The following SLC16A9 variants were observed in gnomAD, a reference collection of about 807,000 sequenced individuals.
The protein encoded by SLC16A9 is solute carrier family 16 member 9.
A neutral mutation model predicts 44.3 loss-of-function variants in SLC16A9; 26 were observed. The ratio of observed to expected loss-of-function variants is 0.59; its 90% CI spans 0.43 to 0.81. The LOEUF (loss-of-function observed/expected upper bound fraction) is 0.81, where lower values mean the gene tolerates loss of function less well. SLC16A9 is among the 40% of genes least tolerant of loss of function. The pLI is 0.00. For missense variants in SLC16A9, 559 were observed against 595.8 expected, an observed-to-expected ratio of 0.94 and a Z score of 0.64; for synonymous variants, 230 against 225.1, an observed-to-expected ratio of 1.02 and a Z score of -0.19.
At position 59,653,908 on chromosome 10, in the gene SLC16A9, T is replaced by TA; in HGVS notation, c.1117dup (p.Tyr373LeufsTer39). 1.2e-6 allele frequency: 2 copies of TA among 1,614,138 alleles called. No homozygotes were observed. The highest frequency in any genetic ancestry group is 1.7e-6 in the Non-Finnish European group (2 of 1,180,030). ...GATGATTAAGGTAGCAACATAAAGA[T>TA]ACAAGGTATTAATCCACTTGAAGTC... On this transcript the variant is annotated frameshift_variant, in exon 5 of 6. Transcript: ENST00000395348. LOFTEE classifies it high-confidence loss of function.
chr10:59,690,951 G>T (rs906833956), intron 1 of SLC16A9, among the ~76,000 whole-genome samples: 2 of 152,148 alleles, frequency 1.3e-5, no homozygotes, highest in Non-Finnish European at 2.9e-5. Flanking sequence ...TGGGCATGGT[G>T]GCACGCGCCT....
Position 59,650,953 on chromosome 10 carries a change from G to A in SLC16A9, c.*1819C>T, listed in dbSNP as rs1202832002. 6.6e-6 allele frequency: 1 copy of A among 150,530 alleles called. No homozygotes were observed. The highest frequency in any genetic ancestry group is 6.6e-5 in the Admixed American group (1 of 15,146). The allele number at this position is 150,530 out of a possible 1,614,324, so 9.3% of individuals were successfully genotyped here. A position where few individuals can be genotyped will look rare whatever the true frequency, so the allele number is the denominator to read the frequency against. On this transcript the variant is annotated 3_prime_UTR_variant, in exon 6 of 6. Transcript: ENST00000395348. ...TTATTGGGTTTCCTGAACATAACTG[G>A]CAAAAAGGAACTTTCAACACAACAA...
chr10:59,699,149 A>G (rs1840466147), intron 1 of SLC16A9, among the ~76,000 whole-genome samples: 1 of 152,226 alleles, frequency 6.6e-6, no homozygotes, highest in African/African-American at 2.4e-5. Flanking sequence ...CTGGCAGGAA[A>G]ACCCCTGAGA....
intron 1 of SLC16A9, among the ~76,000 whole-genome samples, chr10:59,698,730 CTCTTTTTTTTTTTT>C (rs956851868): frequency 6.6e-5 from 10 of 151,672 alleles, no homozygotes; most frequent in Non-Finnish European, 4.4e-5. Flanking sequence ...CACTTTGTCT[CTCTTTTTTTTTTTT>C]TCTTTTTTTT....
chr10:59,668,579 G>A lies in SLC16A9; in HGVS notation c.340+4191C>T, dbSNP rs138030473. Among the ~76,000 whole-genome samples, 541 of 152,190 alleles carry A rather than the reference G, an allele frequency of 3.6e-3. 2 individuals carry two copies. Among genetic ancestry groups the A allele is most frequent in the African/African-American group, 0.012 (516 of 41,522 alleles). On this transcript the variant is annotated intron_variant, in intron 3 of 5. Coordinates refer to ENST00000395348, the MANE Select transcript of SLC16A9 (RefSeq NM_194298.3). ...CCTCCAACTAGACAATTGGTTGTGC[G>A]ACTTTGGCAAAGTCATTTAAACTCT...
upstream of SLC16A9, chr10:59,710,054 C>G (rs1840731989): frequency 6.6e-6 from 1 of 152,248 alleles, no homozygotes; most frequent in Non-Finnish European, 1.5e-5. Flanking sequence ...TGGGCGCCGT[C>G]GGCCAGGCGC....
At chr10:59,660,656 G>T (rs1018111976) in intron 4 of SLC16A9, among the ~76,000 whole-genome samples, 2 of 152,140 alleles carry the variant, frequency 1.3e-5, no homozygotes, top group Non-Finnish European at 2.9e-5. Context: ...CATTGTATGA[G>T]GCCAGCATCA....
At chr10:59,687,026 G>A (rs1218645505) in intron 1 of SLC16A9, among the ~76,000 whole-genome samples, 2 of 152,178 alleles carry the variant, frequency 1.3e-5, no homozygotes, top group East Asian at 3.9e-4. Flanking sequence ...TCCTGCCTCA[G>A]CCTCCTGAAT....
intron 1 of SLC16A9, among the ~76,000 whole-genome samples, chr10:59,703,969 G>A (rs1452398994): frequency 2.6e-5 from 4 of 152,046 alleles, no homozygotes; most frequent in South Asian, 2.1e-4. Flanking sequence ...TGATCCGCCC[G>A]CCTCTGCCTC....
chr10:59,670,889 A>T (rs761865311), intron 3 of SLC16A9, among the ~76,000 whole-genome samples: 5 of 152,222 alleles, frequency 3.3e-5, no homozygotes, highest in Admixed American at 6.5e-5. Flanking sequence ...GAAGAAATCA[A>T]CCATGGTGGT....
chr10:59,676,356 G>C (rs1055206928), intron 2 of SLC16A9, among the ~76,000 whole-genome samples: 1 of 152,170 alleles, frequency 6.6e-6, no homozygotes, highest in African/African-American at 2.4e-5. Flanking sequence ...GCTCTTTGTA[G>C]TAACTGTGCA....
Position 59,664,483 on chromosome 10 carries a change from A to G in SLC16A9, c.341-161T>C, listed in dbSNP as rs571993732. Among the ~76,000 whole-genome samples the G allele has an allele frequency of 4.6e-5, 7 of 152,328 alleles. No homozygotes were observed. The East Asian group carries it at 1.4e-3, about 29-fold the overall frequency. Reference sequence around the variant, plus strand: ...TTCCTTCCATGTGTGTAGCCCCAATAGACACCATTGGGCAGCCTCATTTTT... The same window carrying G: ...TTCCTTCCATGTGTGTAGCCCCAATGGACACCATTGGGCAGCCTCATTTTT... On this transcript the variant is annotated intron_variant, in intron 3 of 5. Coordinates refer to ENST00000395348, the MANE Select transcript of SLC16A9 (RefSeq NM_194298.3).
At chr10:59,693,214 T>A (rs912770629) in intron 1 of SLC16A9, among the ~76,000 whole-genome samples, 3 of 152,216 alleles carry the variant, frequency 2.0e-5, no homozygotes, top group Admixed American at 6.5e-5. Context: ...TTAAAGTAAG[T>A]CTCCTCTGGG....
intron 2 of SLC16A9, among the ~76,000 whole-genome samples, chr10:59,683,424 C>CA (rs1168990258): frequency 6.6e-6 from 1 of 152,208 alleles, no homozygotes; most frequent in African/African-American, 2.4e-5. Context: ...AACTGTTCAT[C>CA]AAGAATATCA....
intron 1 of SLC16A9, among the ~76,000 whole-genome samples, chr10:59,704,017 G>C (rs79847757): frequency 2.0e-5 from 3 of 152,090 alleles, no homozygotes; most frequent in Admixed American, 6.5e-5. Context: ...CACTGCGCCC[G>C]GCCAAATTGC....
At chr10:59,690,526 G>C (rs1840230259) in intron 1 of SLC16A9, among the ~76,000 whole-genome samples, 1 of 152,126 alleles carries the variant, frequency 6.6e-6, no homozygotes, top group Non-Finnish European at 1.5e-5. Flanking sequence ...AACAATGAAG[G>C]GATTCATAGA....
chr10:59,707,326 A>G (rs865784513), intron 1 of SLC16A9, among the ~76,000 whole-genome samples: 70 of 85,132 alleles, frequency 8.2e-4, no homozygotes, highest in African/African-American at 2.7e-3. Context: ...AGGGAAGGGA[A>G]GGGAAGGGAG....
chr10:59,705,903 G>A (rs1840626769), intron 1 of SLC16A9, among the ~76,000 whole-genome samples: 1 of 152,142 alleles, frequency 6.6e-6, no homozygotes, highest in African/African-American at 2.4e-5. Flanking sequence ...ACATGTCATA[G>A]TCTCTATAAT....
intron 1 of SLC16A9, among the ~76,000 whole-genome samples, chr10:59,706,727 C>T (rs145702732): frequency 1.8e-4 from 28 of 151,910 alleles, no homozygotes; most frequent in Admixed American, 1.8e-3. Context: ...AATCCCAGCA[C>T]TTTGGGAGGC....
Sources: gnomAD v4.1 joint callset for allele counts (sites outside exome capture counted in the v4.1 genomes callset) on GRCh38, gnomAD v4.1.1 for gene constraint, MANE v1.5 for transcripts, NCBI Gene and HGNC (gene_info 2026-07-23, HGNC 2026-07-21) for gene names.